The following CACNA2D3 variants were observed in gnomAD, a reference collection of about 807,000 sequenced individuals.
CACNA2D3 encodes the protein calcium voltage-gated channel auxiliary subunit alpha2delta 3.
Under a neutral mutation model 160.6 loss-of-function variants are expected in CACNA2D3, and 60 were observed. That is an observed-to-expected ratio of 0.37 (90% CI 0.30 to 0.46). The LOEUF is 0.46. CACNA2D3 is among the 20% of genes least tolerant of loss of function. CACNA2D3 has a pLI of 1.00. For synonymous variants in CACNA2D3, 558 were observed against 492.9 expected (o/e 1.13, Z -1.75); for missense variants, 1,205 against 1,365.0 (o/e 0.88, Z 1.85).
chr3:55,060,726 G>A lies in CACNA2D3; in HGVS notation c.2988-12719G>A, dbSNP rs1575457842. 3.3e-5 allele frequency among the ~76,000 whole-genome samples: 5 copies of A among 152,106 alleles called. No individual in the cohort carries two copies. The East Asian group carries it at 9.7e-4, about 29-fold the overall frequency. On this transcript the variant is annotated intron_variant, in intron 35 of 37. Transcript: ENST00000474759. ...TTCTTAAGGGGATTAGAAGAAAAAT[G>A]GTTCATGTCATAATTAAGAAGATTT...
chr3:54,716,908 CTTT>C (rs35289105), intron 11 of CACNA2D3, among the ~76,000 whole-genome samples: 1 of 145,982 alleles, frequency 6.9e-6, no homozygotes, highest in Non-Finnish European at 1.5e-5. Flanking sequence ...TTGTGTGGCA[CTTT>C]TTTTTTTTTT....
intron 3 of CACNA2D3, among the ~76,000 whole-genome samples, chr3:54,349,347 CTTTCTCATTAGGAA>C (rs999012862): frequency 2.0e-5 from 3 of 152,126 alleles, no homozygotes; most frequent in Non-Finnish European, 4.4e-5. Flanking sequence ...GAACGTTGCG[CTTTCTCATTAGGAA>C]TTTCTCATTA....
At chr3:54,380,097 T>G (rs187255871) in intron 3 of CACNA2D3, among the ~76,000 whole-genome samples, 1 of 152,344 alleles carries the variant, frequency 6.6e-6, no homozygotes, top group Admixed American at 6.5e-5. Flanking sequence ...CAACTTACTT[T>G]ATTTCTCCAA....
rs1242297432 is a variant in CACNA2D3 at position 54,181,987 on chromosome 3, T to A, written c.204+58393T>A. On this transcript the variant is annotated intron_variant, in intron 2 of 37. Coordinates refer to ENST00000474759, the MANE Select transcript of CACNA2D3 (RefSeq NM_018398.3). ...ACCTCAATTTGGAAGCTGGTTTTGA[T>A]ACTTTTAATAATCTAGTGGGCTTGA... 2.0e-5 allele frequency among the ~76,000 whole-genome samples: 3 copies of A among 152,214 alleles called. No individual in the cohort carries two copies. The East Asian group carries it at 5.8e-4, about 29-fold the overall frequency.
chr3:54,505,329 T>G (rs1191919339), intron 5 of CACNA2D3, among the ~76,000 whole-genome samples: 1 of 152,076 alleles, frequency 6.6e-6, no homozygotes, highest in Non-Finnish European at 1.5e-5. Context: ...ACAGTGGGAG[T>G]GCCAAGGATG....
intron 11 of CACNA2D3, among the ~76,000 whole-genome samples, chr3:54,677,185 T>G (rs1161131842): frequency 6.6e-6 from 1 of 152,226 alleles, no homozygotes; most frequent in African/African-American, 2.4e-5. Flanking sequence ...TTTAAAACTG[T>G]TGTAACAGTA....
chr3:54,724,314 T>C (rs1701235314), intron 11 of CACNA2D3, among the ~76,000 whole-genome samples: 1 of 152,050 alleles, frequency 6.6e-6, no homozygotes. Flanking sequence ...CACACAATAA[T>C]AGTGGGAGAC....
intron 18 of CACNA2D3, among the ~76,000 whole-genome samples, chr3:54,873,709 C>G (rs1297601977): frequency 6.6e-6 from 1 of 152,170 alleles, no homozygotes; most frequent in African/African-American, 2.4e-5. Flanking sequence ...TGCTTTTGTT[C>G]TGCACAAATT....
chr3:54,863,048 C>T (rs4955901), intron 17 of CACNA2D3, among the ~76,000 whole-genome samples: 55,886 of 151,648 alleles, frequency 0.37, 10,811 homozygotes, highest in Admixed American at 0.53. Flanking sequence ...ATGTCACAGA[C>T]ATACTTTCAA....
rs763365875 is a variant in CACNA2D3, at chr3:54,207,217, T to C, written c.204+83623T>C. Among the ~76,000 whole-genome samples, 98 of 140,862 alleles carry C rather than the reference T, an allele frequency of 7.0e-4. 2 individuals carry two copies. Among genetic ancestry groups the C allele is most frequent in the Non-Finnish European group, 1.3e-3 (85 of 67,818 alleles). The allele number at this position is 140,862 out of a possible 152,430, so 92.4% of individuals were successfully genotyped here. A position where few individuals can be genotyped will look rare whatever the true frequency, so the allele number is the denominator to read the frequency against. The stretch of plus-strand genomic sequence containing the variant: ...GAGCTAATATGTGCTGAGTGCTAAT[T>C]GTATGCATGGCAACAAATTAATTTA... On this transcript the variant is annotated intron_variant, in intron 2 of 37. Transcript: ENST00000474759.
intron 35 of CACNA2D3, among the ~76,000 whole-genome samples, chr3:55,021,750 C>G (rs1703461133): frequency 6.7e-6 from 1 of 148,824 alleles, no homozygotes; most frequent in African/African-American, 2.5e-5. Flanking sequence ...TCTTATTCAT[C>G]TCTAACAAGT....
At chr3:54,558,643 C>T (rs1335990173) in intron 5 of CACNA2D3, among the ~76,000 whole-genome samples, 1 of 152,130 alleles carries the variant, frequency 6.6e-6, no homozygotes, top group African/African-American at 2.4e-5. Flanking sequence ...GTGTTTAGCT[C>T]CCACTTATAA....
chr3:54,371,801 A>G (rs1302326439), intron 3 of CACNA2D3, among the ~76,000 whole-genome samples: 2 of 152,246 alleles, frequency 1.3e-5, no homozygotes, highest in Non-Finnish European at 2.9e-5. Context: ...TCACACTCTG[A>G]TATCTTCAAT....
chr3:54,123,017 C>G (rs1699506550), intron 1 of CACNA2D3, among the ~76,000 whole-genome samples, 182 bp downstream of exon 1: 1 of 152,140 alleles, frequency 6.6e-6, no homozygotes, highest in African/African-American at 2.4e-5. Context: ...TGCTCTGGCC[C>G]CTGCCCGCAG....
intron 27 of CACNA2D3, among the ~76,000 whole-genome samples, chr3:54,911,947 C>G (rs1700565268): frequency 6.6e-6 from 1 of 152,178 alleles, no homozygotes; most frequent in South Asian, 2.1e-4. Flanking sequence ...TGAGTCAGGA[C>G]TCTGGGTGCA....
intron 9 of CACNA2D3, among the ~76,000 whole-genome samples, chr3:54,614,113 T>G (rs1433888584): frequency 6.6e-6 from 1 of 152,172 alleles, no homozygotes; most frequent in Non-Finnish European, 1.5e-5. Flanking sequence ...ATTTGATGAC[T>G]CAATGAATGC....
chr3:54,571,255 G>C (rs1023748857), intron 8 of CACNA2D3, among the ~76,000 whole-genome samples: 1 of 152,150 alleles, frequency 6.6e-6, no homozygotes, highest in Non-Finnish European at 1.5e-5. Flanking sequence ...TCACGTCCTA[G>C]GCTTCAGAGA....
At chr3:54,132,189 C>A (rs539859532) in intron 2 of CACNA2D3, among the ~76,000 whole-genome samples, 1 of 152,314 alleles carries the variant, frequency 6.6e-6, no homozygotes, top group Admixed American at 6.5e-5. Context: ...CATTTGACTT[C>A]TGGAATGCTA....
At chr3:54,145,560 A>G (rs1700011265) in intron 2 of CACNA2D3, among the ~76,000 whole-genome samples, 1 of 152,226 alleles carries the variant, frequency 6.6e-6, no homozygotes, top group African/African-American at 2.4e-5. Context: ...GGCTTGTTAT[A>G]TGCAGCAGAG....
Sources: gnomAD v4.1 joint callset for allele counts (sites outside exome capture counted in the v4.1 genomes callset) on GRCh38, gnomAD v4.1.1 for gene constraint, MANE v1.5 for transcripts, NCBI Gene and HGNC (gene_info 2026-07-23, HGNC 2026-07-21) for gene names.